Variants in CRPPA observed in about 807,000 individuals in gnomAD.
CRPPA encodes D-ribitol-5-phosphate cytidylyltransferase.
CRPPA carries 43 observed loss-of-function variants against 52.0 expected under a neutral mutation model. That is an observed-to-expected ratio of 0.83 (90% confidence interval 0.65 to 1.07). The LOEUF (loss-of-function observed/expected upper bound fraction) is 1.07, where lower values mean the gene tolerates loss of function less well. Ranked by LOEUF, CRPPA falls within the 50% of genes least tolerant of loss-of-function variation. CRPPA has a pLI of 0.00. For synonymous variants in CRPPA, 250 were observed against 203.5 expected (o/e 1.23, Z -1.94); for missense variants, 629 against 551.7 (o/e 1.14, Z -1.40).
At chr7:16,143,480 C>A (rs1035512216) in intron 9 of CRPPA, among the ~76,000 whole-genome samples, 2 of 152,138 alleles carry the variant, frequency 1.3e-5, no homozygotes, top group African/African-American at 4.8e-5. Flanking sequence ...TTTATGATCA[C>A]CTGGAATGAG....
chr7:16,156,350 C>A (rs1403614148), intron 9 of CRPPA, among the ~76,000 whole-genome samples: 1 of 152,130 alleles, frequency 6.6e-6, no homozygotes, highest in Non-Finnish European at 1.5e-5. Flanking sequence ...CAGACATTGG[C>A]AGCTTTTTCA....
chr7:16,285,134 C>T (rs1395071508), intron 5 of CRPPA, among the ~76,000 whole-genome samples: 2 of 152,038 alleles, frequency 1.3e-5, no homozygotes, highest in African/African-American at 4.8e-5. Flanking sequence ...AAATAGAAGC[C>T]TTCAGAATTC....
chr7:16,246,175 G>A (rs1783267608), intron 8 of CRPPA, among the ~76,000 whole-genome samples: 1 of 152,038 alleles, frequency 6.6e-6, no homozygotes, highest in Admixed American at 6.6e-5. Context: ...ATATAATATT[G>A]TAAATCCTTT....
intron 9 of CRPPA, among the ~76,000 whole-genome samples, chr7:16,116,978 T>C (rs1782388419): frequency 6.6e-6 from 1 of 152,230 alleles, no homozygotes; most frequent in South Asian, 2.1e-4. Flanking sequence ...CTGTTTGTTG[T>C]AAAGAATCAT....
intron 9 of CRPPA, among the ~76,000 whole-genome samples, chr7:16,140,975 G>C (rs1198318967): frequency 6.6e-6 from 1 of 152,092 alleles, no homozygotes; most frequent in African/African-American, 2.4e-5. Context: ...GCCTAAAACT[G>C]ACTAATGGAC....
intron 3 of CRPPA, among the ~76,000 whole-genome samples, chr7:16,364,222 C>A (rs967776774): frequency 2.0e-5 from 3 of 152,108 alleles, no homozygotes; most frequent in African/African-American, 7.2e-5. Flanking sequence ...GGTACTTATA[C>A]CCAAAAGGTC....
chr7:16,229,251 G>C (rs1782729422), intron 8 of CRPPA, among the ~76,000 whole-genome samples: 1 of 151,836 alleles, frequency 6.6e-6, no homozygotes, highest in South Asian at 2.1e-4. Flanking sequence ...TATGTCTTTT[G>C]ATTGGAAAAA....
chr7:16,365,868 T>C (rs1250662948), intron 3 of CRPPA, among the ~76,000 whole-genome samples: 1 of 152,112 alleles, frequency 6.6e-6, no homozygotes, highest in Non-Finnish European at 1.5e-5. Context: ...GTACCTAGGA[T>C]GTATACAAAA....
chr7:16,155,592 T>A (rs1400184488), intron 9 of CRPPA, among the ~76,000 whole-genome samples: 1 of 152,228 alleles, frequency 6.6e-6, no homozygotes, highest in Non-Finnish European at 1.5e-5. Flanking sequence ...GAATACGACA[T>A]ATTTTCTCTT....
chr7:16,243,592 C>T (rs1286538034), intron 8 of CRPPA, among the ~76,000 whole-genome samples: 1 of 151,894 alleles, frequency 6.6e-6, no homozygotes, highest in Non-Finnish European at 1.5e-5. Flanking sequence ...AGAGATGGTC[C>T]AAAAATATTT....
chr7:16,224,454 GTC>G (rs374758869), intron 8 of CRPPA, among the ~76,000 whole-genome samples: 5 of 152,188 alleles, frequency 3.3e-5, no homozygotes, highest in African/African-American at 1.2e-4. Context: ...AGGGGAAATA[GTC>G]TCTGTTTATT....
chr7:16,314,010 T>C (rs969498336), intron 3 of CRPPA, among the ~76,000 whole-genome samples: 5 of 152,042 alleles, frequency 3.3e-5, no homozygotes, highest in Non-Finnish European at 7.4e-5. Context: ...ATGTCAATTT[T>C]ACTCAGTTGA....
chr7:16,201,797 T>C (rs970984280), intron 9 of CRPPA, among the ~76,000 whole-genome samples: 2 of 152,190 alleles, frequency 1.3e-5, no homozygotes, highest in African/African-American at 4.8e-5. Flanking sequence ...ACTTTTGAGC[T>C]CTTAAATAAT....
At chr7:16,122,190 A>G (rs749130096) in intron 9 of CRPPA, among the ~76,000 whole-genome samples, 48 of 152,090 alleles carry the variant, frequency 3.2e-4, no homozygotes, top group Admixed American at 1.3e-4. Flanking sequence ...CGCACAATCA[A>G]AAGGAAAAGA....
intron 8 of CRPPA, among the ~76,000 whole-genome samples, chr7:16,248,392 G>C (rs544484816): frequency 2.7e-4 from 41 of 152,166 alleles, no homozygotes; most frequent in African/African-American, 9.9e-4. Flanking sequence ...TTGGTGGAGG[G>C]GGACAGAGAG....
intron 8 of CRPPA, chr7:16,236,012 T>C (rs1295388356): frequency 6.6e-6 from 1 of 152,050 alleles, no homozygotes; most frequent in African/African-American, 2.4e-5. Flanking sequence ...ATTAACCTAA[T>C]TATACTAATA....
chr7:16,337,972 G>C (rs1333379180), intron 3 of CRPPA, among the ~76,000 whole-genome samples: 2 of 152,132 alleles, frequency 1.3e-5, no homozygotes, highest in East Asian at 3.9e-4. Flanking sequence ...CCCAAACAGA[G>C]GGGATATTTT....
At chr7:16,344,017 CAT>C (rs549144685) in intron 3 of CRPPA, among the ~76,000 whole-genome samples, 40 of 152,254 alleles carry the variant, frequency 2.6e-4, no homozygotes, top group Middle Eastern at 3.4e-3. Flanking sequence ...TTTCAGTAAT[CAT>C]ATGTAACAAA....
chr7:16,331,722 G>A (rs1785556950), intron 3 of CRPPA, among the ~76,000 whole-genome samples: 1 of 152,120 alleles, frequency 6.6e-6, no homozygotes, highest in African/African-American at 2.4e-5. Flanking sequence ...TGCCTTTGAT[G>A]GGCTCATTAG....
Sources: gnomAD v4.1 joint callset for allele counts (sites outside exome capture counted in the v4.1 genomes callset) on GRCh38, gnomAD v4.1.1 for gene constraint, MANE v1.5 for transcripts, NCBI Gene and HGNC (gene_info 2026-07-23, HGNC 2026-07-21) for gene names.